The following CTNNA2 variants were observed in gnomAD, a reference collection of about 807,000 sequenced individuals.
CTNNA2 encodes catenin alpha-2.
In CTNNA2, 42 loss-of-function variants were observed where a neutral mutation model predicts 101.0. That is an observed-to-expected ratio of 0.42 (90% CI 0.32 to 0.54). CTNNA2 has a LOEUF of 0.54. Among genes scored for constraint, CTNNA2 ranks in the 20% least tolerant of loss-of-function variants. The pLI, the probability that CTNNA2 is intolerant of heterozygous loss-of-function variation, is 0.14. For missense variants in CTNNA2, 871 were observed against 1,223.1 expected (o/e 0.71, Z 4.29); for synonymous variants, 450 against 456.4 (o/e 0.99, Z 0.18).
intron 7 of CTNNA2, among the ~76,000 whole-genome samples, chr2:80,265,443 A>G (rs1653538265): frequency 6.6e-6 from 1 of 152,192 alleles, no homozygotes; most frequent in Non-Finnish European, 1.5e-5. Flanking sequence ...AGATGGTGGC[A>G]GTGGCATTGG....
At chr2:79,737,969 G>A (rs1671017066) in intron 2 of CTNNA2, among the ~76,000 whole-genome samples, 1 of 152,298 alleles carries the variant, frequency 6.6e-6, no homozygotes, top group South Asian at 2.1e-4. Flanking sequence ...TACTGATCAA[G>A]TAGAAGAGAC....
At chr2:80,003,326 A>T (rs1350025692) in intron 7 of CTNNA2, among the ~76,000 whole-genome samples, 3 of 152,132 alleles carry the variant, frequency 2.0e-5, no homozygotes, top group Non-Finnish European at 2.9e-5. Context: ...TGTTTTTTAT[A>T]TTAATGCTGA....
At chr2:79,340,833 C>CAAAAAAAAAAAAAAAAAAAA (rs56276462) in intron 3 of CTNNA2, among the ~76,000 whole-genome samples, 2 of 32,532 alleles carry the variant, frequency 6.1e-5, no homozygotes, top group Non-Finnish European at 1.1e-4. Flanking sequence ...GACTCAGTCT[C>CAAAAAAAAAAAAAAAAAAAA]AAAAAAAAAA....
intron 2 of CTNNA2, among the ~76,000 whole-genome samples, chr2:79,273,143 A>G (rs1302025507): frequency 6.6e-6 from 1 of 152,056 alleles, no homozygotes; most frequent in Non-Finnish European, 1.5e-5. Context: ...AAAACCAGTT[A>G]GTATCAACAA....
At chr2:80,629,149 C>G (rs1327358848) in intron 18 of CTNNA2, among the ~76,000 whole-genome samples, 1 of 151,962 alleles carries the variant, frequency 6.6e-6, no homozygotes, top group Non-Finnish European at 1.5e-5. Flanking sequence ...CCACAAAAGA[C>G]TATATAGTCT....
At chr2:79,947,481 A>G (rs1688575814) in intron 7 of CTNNA2, among the ~76,000 whole-genome samples, 1 of 152,220 alleles carries the variant, frequency 6.6e-6, no homozygotes, top group Non-Finnish European at 1.5e-5. Context: ...CAGGATTATA[A>G]GGTAATAGCC....
At chr2:80,188,401 C>T (rs1318029928) in intron 7 of CTNNA2, among the ~76,000 whole-genome samples, 1 of 152,146 alleles carries the variant, frequency 6.6e-6, no homozygotes, top group Admixed American at 6.5e-5. Context: ...ATCCTTTCAG[C>T]TGGTGGCACT....
intron 3 of CTNNA2, among the ~76,000 whole-genome samples, chr2:79,803,026 AT>A (rs1247954923): frequency 6.6e-6 from 1 of 152,246 alleles, no homozygotes; most frequent in Non-Finnish European, 1.5e-5. Flanking sequence ...AATGAAAAAA[AT>A]GCAAGCTTTT....
intron 7 of CTNNA2, among the ~76,000 whole-genome samples, chr2:80,275,487 A>C (rs889970784): frequency 6.6e-6 from 1 of 152,212 alleles, no homozygotes; most frequent in African/African-American, 2.4e-5. Context: ...TTATTATTGC[A>C]GTAGATAACA....
In CTNNA2 at chr2:80,346,675, A is replaced by T. The variant is rs114152771; in HGVS notation, c.1057-46536A>T. ...TGATAAGGGGTTCAGTTTGATCATG[A>T]TGCATTTCCAAAGCTCCCTTTCTCT... is the stretch of plus-strand genomic sequence containing the variant. On this transcript the variant is annotated intron_variant, in intron 7 of 18. Transcript: ENST00000402739. Among the ~76,000 whole-genome samples the T allele has an allele frequency of 9.0e-3, 1,365 of 152,280 alleles. 11 individuals carry two copies. The highest frequency in any genetic ancestry group is 0.033 in the South Asian group (159 of 4,828).
At chr2:79,507,634 A>G (rs1239587716) in intron 5 of CTNNA2, among the ~76,000 whole-genome samples, 1 of 152,222 alleles carries the variant, frequency 6.6e-6, no homozygotes, top group African/African-American at 2.4e-5. Context: ...AAAACAGACT[A>G]AGAAGAGGAT....
At chr2:80,332,838 G>A (rs889379447) in intron 7 of CTNNA2, among the ~76,000 whole-genome samples, 1 of 152,110 alleles carries the variant, frequency 6.6e-6, no homozygotes, top group Non-Finnish European at 1.5e-5. Flanking sequence ...ACTGGTCCAG[G>A]GTTCAGTGGC....
At chr2:80,618,929 A>C (rs892327832) in intron 17 of CTNNA2, among the ~76,000 whole-genome samples, 156 bp from the exon 18 acceptor site, 1 of 151,720 alleles carries the variant, frequency 6.6e-6, no homozygotes, top group African/African-American at 2.4e-5. Flanking sequence ...GCCCATATGT[A>C]TATCTCTTTC....
At chr2:79,709,108 C>A (rs934462014) in intron 2 of CTNNA2, among the ~76,000 whole-genome samples, 2 of 152,104 alleles carry the variant, frequency 1.3e-5, no homozygotes, top group African/African-American at 4.8e-5. Context: ...CACATTACAG[C>A]TGGGGCCTTT....
At chr2:79,942,320 G>A (rs1688214811) in intron 7 of CTNNA2, among the ~76,000 whole-genome samples, 1 of 152,140 alleles carries the variant, frequency 6.6e-6, no homozygotes, top group Admixed American at 6.5e-5. Flanking sequence ...TCTGGTAGAT[G>A]GCAGAGATGA....
At chr2:79,446,546 A>G (rs1484054827) in intron 4 of CTNNA2, among the ~76,000 whole-genome samples, 1 of 152,076 alleles carries the variant, frequency 6.6e-6, no homozygotes, top group Non-Finnish European at 1.5e-5. Context: ...TCAGCCTCAC[A>G]TAAAGCTTAA....
At chr2:79,193,289 T>C (rs1190983041) in intron 1 of CTNNA2, among the ~76,000 whole-genome samples, 1 of 152,166 alleles carries the variant, frequency 6.6e-6, no homozygotes, top group Non-Finnish European at 1.5e-5. Flanking sequence ...AATGTTTTGG[T>C]CAACAACAGA....
chr2:80,541,772 C>G (rs1317277949), intron 9 of CTNNA2, among the ~76,000 whole-genome samples: 1 of 151,824 alleles, frequency 6.6e-6, no homozygotes, highest in East Asian at 1.9e-4. Context: ...AGTCTCAACT[C>G]CAAACCACAC....
intron 7 of CTNNA2, among the ~76,000 whole-genome samples, chr2:80,115,205 A>G (rs1651096438): frequency 6.6e-6 from 1 of 152,316 alleles, no homozygotes; most frequent in African/African-American, 2.4e-5. Flanking sequence ...TTCTATTTCC[A>G]TCAAGGCCTT....
Sources: allele counts gnomAD v4.1 joint callset (sites outside exome capture counted in the v4.1 genomes callset), GRCh38; gene constraint gnomAD v4.1.1; transcripts MANE v1.5; gene names NCBI Gene and HGNC (gene_info 2026-07-23, HGNC 2026-07-21).